FBXW11: variants seen among roughly 807,000 people sequenced by gnomAD.
FBXW11 encodes F-box/WD repeat-containing protein 11.
FBXW11 carries 19 observed loss-of-function variants against 77.6 expected under a neutral mutation model. The ratio of observed to expected loss-of-function variants is 0.24; its 90% CI spans 0.17 to 0.36. The LOEUF (loss-of-function observed/expected upper bound fraction) is 0.36, where lower values mean the gene tolerates loss of function less well. FBXW11 is among the 10% of genes least tolerant of loss of function. The probability of loss-of-function intolerance (pLI) is 1.00; values close to 1 mark genes in which losing one functional copy is unlikely to be tolerated. For missense variants in FBXW11, 334 were observed against 704.2 expected, an observed-to-expected ratio of 0.47 and a Z score of 5.95; for synonymous variants, 235 against 249.4, an observed-to-expected ratio of 0.94 and a Z score of 0.54.
chr5:172,001,301 A>C (rs984344211), intron 1 of FBXW11, among the ~76,000 whole-genome samples: 1 of 152,232 alleles, frequency 6.6e-6, no homozygotes, highest in Admixed American at 6.5e-5. Flanking sequence ...AGTTTTTATA[A>C]TATAATAGGA....
At chr5:171,881,060 A>C (rs1339167146) in intron 7 of FBXW11, among the ~76,000 whole-genome samples, 1 of 152,158 alleles carries the variant, frequency 6.6e-6, no homozygotes, top group African/African-American at 2.4e-5. Flanking sequence ...TAAGCAACTG[A>C]CTTAAGTATA....
chr5:171,925,925 T>C (rs960436845), intron 2 of FBXW11, among the ~76,000 whole-genome samples: 4 of 152,144 alleles, frequency 2.6e-5, no homozygotes, highest in African/African-American at 7.2e-5. Flanking sequence ...AGAAGAACAA[T>C]GATAGGGGAA....
At chr5:171,866,356 A>C (rs758525107) in intron 13 of FBXW11, among the ~76,000 whole-genome samples, 1 of 152,212 alleles carries the variant, frequency 6.6e-6, no homozygotes, top group Non-Finnish European at 1.5e-5. Context: ...TGAAGAGACA[A>C]ACACATTTGT....
At chr5:171,963,180 TACACATACACACACAC>T (rs1322071362) in intron 1 of FBXW11, among the ~76,000 whole-genome samples, 1 of 48,014 alleles carries the variant, frequency 2.1e-5, no homozygotes, top group Non-Finnish European at 9.3e-5. Flanking sequence ...ATAATGTAAA[TACACATACACACACAC>T]ACACACACAC....
intron 1 of FBXW11, among the ~76,000 whole-genome samples, chr5:171,987,828 C>T (rs955810693): frequency 2.6e-5 from 4 of 152,120 alleles, no homozygotes; most frequent in African/African-American, 4.8e-5. Context: ...TGTCTACTTC[C>T]CGTGATCCTT....
chr5:171,961,954 A>G (rs1247505740), intron 1 of FBXW11, among the ~76,000 whole-genome samples: 4 of 152,152 alleles, frequency 2.6e-5, no homozygotes, highest in African/African-American at 4.8e-5. Flanking sequence ...GCCGTAAGTG[A>G]TTCTTGAAGC....
At chr5:171,950,295 A>G (rs1233757645) in intron 2 of FBXW11, among the ~76,000 whole-genome samples, 1 of 152,082 alleles carries the variant, frequency 6.6e-6, no homozygotes, top group Non-Finnish European at 1.5e-5. Context: ...CATGAAAGCA[A>G]TTTAGCCATA....
At chr5:171,893,421 C>CAAAAAAAAAAAAAAA (rs397999920) in intron 6 of FBXW11, among the ~76,000 whole-genome samples, 669 of 39,830 alleles carry the variant, frequency 0.017, 189 homozygotes, top group Non-Finnish European at 0.022. Context: ...ACTTCAAAAC[C>CAAAAAAAAAAAAAAA]AAAAAAAAAA....
intron 7 of FBXW11, among the ~76,000 whole-genome samples, chr5:171,886,994 G>A (rs760175357): frequency 1.8e-4 from 27 of 152,102 alleles, no homozygotes; most frequent in Non-Finnish European, 4.0e-4. Context: ...ACTCCAGCCA[G>A]GGTGACAGAG....
chr5:171,918,899 T>A lies in FBXW11; in HGVS notation c.148-4494A>T, dbSNP rs138197248. ...CAGGGAAGGGGGCTAAATCACTCTC[T>A]CCACTTGAAAACCAGTGCTCTAGGG... On this transcript the variant is annotated intron_variant, in intron 2 of 13. Coordinates refer to ENST00000517395, the MANE Select transcript of FBXW11 (RefSeq NM_001378974.1). Among the ~76,000 whole-genome samples the A allele has an allele frequency of 9.3e-3, 1,417 of 152,234 alleles. 25 individuals are homozygous for A. The highest frequency in any genetic ancestry group is 0.032 in the African/African-American group (1,349 of 41,538).
intron 6 of FBXW11, among the ~76,000 whole-genome samples, chr5:171,897,394 C>T (rs1408547664): frequency 6.6e-6 from 1 of 152,132 alleles, no homozygotes; most frequent in East Asian, 1.9e-4. Context: ...ACTTTAAGAA[C>T]CACTGGGTAG....
At chr5:171,866,838 T>C (rs747596801) in intron 13 of FBXW11, among the ~76,000 whole-genome samples, 1 of 152,184 alleles carries the variant, frequency 6.6e-6, no homozygotes. Context: ...CTCCATTCAA[T>C]AATTACAGTA....
intron 2 of FBXW11, among the ~76,000 whole-genome samples, chr5:171,919,823 AT>A (rs1251308432): frequency 6.6e-6 from 1 of 152,178 alleles, no homozygotes; most frequent in African/African-American, 2.4e-5. Context: ...CACAATGAAG[AT>A]CCTAATCTTG....
intron 6 of FBXW11, among the ~76,000 whole-genome samples, chr5:171,892,196 G>A (rs1396398891): frequency 6.6e-6 from 1 of 152,134 alleles, no homozygotes; most frequent in Non-Finnish European, 1.5e-5. Flanking sequence ...AGTGTGCTAG[G>A]CACTGAGGAT....
intron 1 of FBXW11, among the ~76,000 whole-genome samples, chr5:171,969,072 A>T (rs1334927540): frequency 6.6e-6 from 1 of 152,152 alleles, no homozygotes; most frequent in African/African-American, 2.4e-5. Context: ...GTTTGAGACC[A>T]GCCTGGCCAA....
At chr5:171,968,821 C>A (rs1481153276) in intron 1 of FBXW11, among the ~76,000 whole-genome samples, 2 of 152,178 alleles carry the variant, frequency 1.3e-5, no homozygotes, top group African/African-American at 2.4e-5. Context: ...CTCCTTCTAC[C>A]CACCATCATG....
intron 1 of FBXW11, among the ~76,000 whole-genome samples, chr5:171,991,864 CA>C (rs1561756065): frequency 6.6e-6 from 1 of 152,168 alleles, no homozygotes; most frequent in Non-Finnish European, 1.5e-5. Flanking sequence ...TCTGTAATCC[CA>C]GCACTTTGGG....
chr5:171,867,692 C>T (rs924599344), intron 13 of FBXW11: 1 of 152,094 alleles, frequency 6.6e-6, no homozygotes, highest in African/African-American at 2.4e-5. Context: ...CCTAATTCTG[C>T]ACATGGACTT....
At chr5:171,903,272 T>C (rs973435023) in intron 4 of FBXW11, among the ~76,000 whole-genome samples, 1 of 152,110 alleles carries the variant, frequency 6.6e-6, no homozygotes, top group African/African-American at 2.4e-5. Context: ...AATTTTTTTT[T>C]ATCATTTGTA....
Sources: allele counts gnomAD v4.1 joint callset (sites outside exome capture counted in the v4.1 genomes callset), GRCh38; gene constraint gnomAD v4.1.1; transcripts MANE v1.5; gene names NCBI Gene and HGNC (gene_info 2026-07-23, HGNC 2026-07-21).